Variants in COL5A3 observed in about 807,000 individuals in gnomAD.
COL5A3 encodes collagen type V alpha 3 chain, also known as collagen alpha-3(V) chain.
A neutral mutation model predicts 250.0 loss-of-function variants in COL5A3; 172 were observed. The observed-to-expected ratio is 0.69, with a 90% CI of 0.61 to 0.78. The LOEUF (loss-of-function observed/expected upper bound fraction) is 0.78, where lower values mean the gene tolerates loss of function less well. Ranked by LOEUF, COL5A3 falls within the 30% of genes least tolerant of loss-of-function variation. The pLI is 0.00. For missense variants in COL5A3, 2,340 were observed against 2,334.4 expected, an observed-to-expected ratio of 1.00 and a Z score of -0.05; for synonymous variants, 937 against 900.4, an observed-to-expected ratio of 1.04 and a Z score of -0.73.
chr19:9,971,154 T>C, intron 52 of COL5A3, 51 bp downstream of exon 52: 1 of 1,469,732 alleles, frequency 6.8e-7, no homozygotes, highest in East Asian at 2.6e-5. Context: ...GGTAGGGAGA[T>C]GGGGACAGAA....
intron 54 of COL5A3, among the ~76,000 whole-genome samples, chr19:9,970,408 G>A (rs1467749567): frequency 5.6e-5 from 6 of 107,782 alleles, no homozygotes; most frequent in African/African-American, 2.1e-4. Flanking sequence ...GGGTCTGTGG[G>A]GTGAGTGGGG....
chr19:9,969,497 G>A (rs531014060), intron 56 of COL5A3, 78 bp downstream of exon 56: 33 of 1,590,890 alleles, frequency 2.1e-5, no homozygotes, highest in Middle Eastern at 1.7e-4. Context: ...CCCTCCAAAC[G>A]GTGATGGGAT....
At position 9,993,639 on chromosome 19, in the gene COL5A3, G is replaced by A; in HGVS notation, c.1675C>T (p.Pro559Ser). The A allele has an allele frequency of 6.2e-7, 1 of 1,614,044 alleles. No individual in the cohort carries two copies. Among genetic ancestry groups the A allele is most frequent in the South Asian group, 1.1e-5 (1 of 91,076 alleles). The change falls in exon 18 of 67, where the codon CCT becomes TCT. Residue 559 changes from proline to serine, a missense_variant. Transcript: ENST00000264828. The part of the protein sequence containing the change: ...DRGFDGLPGL[P>S]GEKGQRGDFG... ...CTCACCCTTTGGCCCTTCTCACCAG[G>A]CAGCCCAGGGAGGCCATCGAAGCCA...
intron 6 of COL5A3, 40 bp downstream of exon 6, chr19:10,003,525 G>T: frequency 6.2e-7 from 1 of 1,605,632 alleles, no homozygotes; most frequent in Non-Finnish European, 8.5e-7. Flanking sequence ...CCGGAAGTCA[G>T]GTGGTCAAAA....
chr19:10,009,493 A>G lies in COL5A3; in HGVS notation c.88+805T>C, dbSNP rs558986442. On this transcript the variant is annotated intron_variant, in intron 1 of 66. Coordinates refer to ENST00000264828, the MANE Select transcript of COL5A3 (RefSeq NM_015719.4). The surrounding 1 kb of genome is among the most constrained non-coding windows in gnomAD (Gnocchi z 4.4). ...CAAGGCTCCAGCAGCTGGGGTGGGG[A>G]GGGGGGGAGCAACTTCCACTCCTGC... 4.2e-5 allele frequency among the ~76,000 whole-genome samples: 6 copies of G among 143,152 alleles called. No homozygotes were observed. The highest frequency in any genetic ancestry group is 1.5e-4 in the African/African-American group (6 of 39,804). 93.9% of individuals were successfully genotyped at this position (143,152 alleles called of 152,430 possible).
rs762158108 is a variant in COL5A3, at chr19:9,968,067, G to A, written c.4327C>T (p.Pro1443Ser). 3.1e-6 allele frequency: 5 copies of A among 1,588,184 alleles called. No individual in the cohort carries two copies. The highest frequency in any genetic ancestry group is 4.3e-6 in the Non-Finnish European group (5 of 1,173,290). ...GPKGDPGPPG[P>S]IGSLGHPGPP... ...CCAGGGTGGCCCAGAGAGCCAATGG[G>A]ACCAGGGGGACCCTAGGAAAAGGAC... is the stretch of plus-strand genomic sequence containing the variant. The change falls in exon 60 of 67, where the codon CCC (proline) becomes TCC (serine). Residue 1443 changes from proline (P) to serine (S), a missense_variant. By Grantham distance (74) the Pro-to-Ser change is moderately conservative (BLOSUM62 -1). Around this residue, in one of 3 missense-constraint regions of COL5A3, gnomAD observed 1,179 missense variants for 1,162.6 expected, o/e 1.01. Coordinates refer to ENST00000264828, the MANE Select transcript of COL5A3 (RefSeq NM_015719.4). This position sits in a 1 kb window ranked among gnomAD's most constrained non-coding sequence, Gnocchi z 4.1.
At chr19:9,997,778 C>T (rs1019602426) in intron 10 of COL5A3, among the ~76,000 whole-genome samples, 2 of 152,036 alleles carry the variant, frequency 1.3e-5, no homozygotes, top group Admixed American at 6.6e-5. Flanking sequence ...AAATATATGG[C>T]TATTTTTAAA....
intron 8 of COL5A3, 97 bp from the exon 9 acceptor site, chr19:9,998,246 A>T: frequency 8.5e-7 from 1 of 1,180,318 alleles, no homozygotes. Context: ...ACACACACAC[A>T]CACACACACA....
At chr19:9,962,914 T>C (rs1201787855) in intron 64 of COL5A3, 27 bp from the exon 65 acceptor site, 1 of 1,570,542 alleles carries the variant, frequency 6.4e-7, no homozygotes, top group East Asian at 2.2e-5. Flanking sequence ...AGGGTCACTG[T>C]AGCTGACGCC....
Position 9,996,642 on chromosome 19 carries a change from G to C in COL5A3, c.1311C>G (p.Gly437=). ...GCATCATGATCACAGTGCCCGGTGGGCCTCGGATCCCATCAATGCCGGGGA... is the reference window on the plus strand; with the variant it reads ...GCATCATGATCACAGTGCCCGGTGGCCCTCGGATCCCATCAATGCCGGGGA... ...PGIPGIDGIR[G]PPGTVIMMPF... The change falls in exon 12 of 67, where the codon GGC becomes GGG. Residue 437 remains glycine (G), a synonymous_variant. Coordinates refer to ENST00000264828, the MANE Select transcript of COL5A3 (RefSeq NM_015719.4). The C allele has an allele frequency of 6.2e-7, 1 of 1,612,510 alleles. No individual in the cohort carries two copies. The highest frequency in any genetic ancestry group is 8.5e-7 in the Non-Finnish European group (1 of 1,179,594).
At chr19:9,996,546 C>T (rs202020090) in intron 12 of COL5A3, 30 bp from the exon 13 acceptor site, 6 of 1,612,764 alleles carry the variant, frequency 3.7e-6, no homozygotes, top group Non-Finnish European at 5.1e-6. Context: ...GAGGGAAGCC[C>T]CCAGGAGAGG....
rs551457472 is a variant in COL5A3 at position 10,007,103 on chromosome 19, T to C, written c.89-872A>G. ...TGACTTTCCCCTCTAACCTCCTCCC[T>C]CTGACTCTCCCCTATGACCTCCTCC... On this transcript the variant is annotated intron_variant, in intron 1 of 66. Coordinates refer to ENST00000264828, the MANE Select transcript of COL5A3 (RefSeq NM_015719.4). Among the ~76,000 whole-genome samples the C allele has an allele frequency of 1.1e-4, 17 of 148,822 alleles. No homozygotes were observed. In the East Asian group the frequency reaches 3.2e-3, roughly 28 times the overall value.
chr19:9,983,529 GAAGAAAGAAAGAAAGAAAGA>G (rs59275367), intron 31 of COL5A3, among the ~76,000 whole-genome samples: 2,779 of 95,178 alleles, frequency 0.029, 77 homozygotes, highest in Middle Eastern at 0.052. Context: ...CAAAAAGAAA[GAAGAAAGAAAGAAAGAAAGA>G]AAGAAAGAAA....
In COL5A3 at chr19:9,969,849, C is replaced by A; in HGVS notation, c.3990+20G>T. On this transcript the variant is annotated intron_variant, in intron 55 of 66. Coordinates refer to ENST00000264828, the MANE Select transcript of COL5A3 (RefSeq NM_015719.4). The stretch of plus-strand genomic sequence containing the variant: ...GCCTAGAGTAGTGCAGGGACCCTTC[C>A]CCTTGCCAGGGGGACTCACCTTGGC... 1 of 1,613,678 alleles carries A rather than the reference C, an allele frequency of 6.2e-7. No homozygotes were observed. Among genetic ancestry groups the A allele is most frequent in the Non-Finnish European group, 8.5e-7 (1 of 1,179,740 alleles).
Position 9,991,639 on chromosome 19 carries a change from G to C in COL5A3, c.1963C>G (p.Gln655Glu). 6.2e-7 allele frequency: 1 copy of C among 1,609,448 alleles called. No homozygotes were observed. Residue 655 changes from glutamine (Q) to glutamate (E), a missense_variant, in exon 24 of 67, where the codon CAG becomes GAG. Around this residue, in one of 3 missense-constraint regions of COL5A3, gnomAD observed 1,152 missense variants for 1,146.3 expected, o/e 1.00. Coordinates refer to ENST00000264828, the MANE Select transcript of COL5A3 (RefSeq NM_015719.4). ...NHGSQGLPGP[Q>E]GLIGTPGEKG... is the part of the protein sequence containing the mutation. Reference sequence around the variant, plus strand: ...TCCCCAGGAGTGCCAATGAGTCCCTGGGGACCGGGGAGTCCCTGGAGACAG... The same window carrying C: ...TCCCCAGGAGTGCCAATGAGTCCCTCGGGACCGGGGAGTCCCTGGAGACAG...
At position 9,986,356 on chromosome 19, in the gene COL5A3, G is replaced by A; in HGVS notation, c.2311C>T (p.Gln771Ter). 1.3e-6 allele frequency: 2 copies of A among 1,593,646 alleles called. No homozygotes were observed. The highest frequency in any genetic ancestry group is 1.7e-6 in the Non-Finnish European group (2 of 1,175,104). ...CCTGGGGGCCCCTCCTCGCCAGCCTGCCCCGCCTGCCCCTTCGGCCCCTCA... is the reference window on the plus strand; with the variant it reads ...CCTGGGGGCCCCTCCTCGCCAGCCTACCCCGCCTGCCCCTTCGGCCCCTCA... The part of the protein sequence containing the change: ...GPEGPKGQAG[Q>*]AGEEGPPGSA... Residue 771 changes from glutamine to a stop codon, truncating the protein, a stop_gained, in exon 30 of 67, where the codon CAG (glutamine) becomes TAG (stop). Coordinates refer to ENST00000264828, the MANE Select transcript of COL5A3 (RefSeq NM_015719.4). LOFTEE classifies it high-confidence loss of function.
At chr19:9,997,873 T>C in intron 10 of COL5A3, 111 bp downstream of exon 10, 1 of 1,155,512 alleles carries the variant, frequency 8.7e-7, no homozygotes, top group South Asian at 1.3e-5. Context: ...AAATGTCCAC[T>C]ACCCTCCACT....
chr19:9,961,340 T>C (rs2086669419), intron 65 of COL5A3, among the ~76,000 whole-genome samples: 1 of 152,140 alleles, frequency 6.6e-6, no homozygotes, highest in Admixed American at 6.6e-5. Context: ...AGGAGGGATT[T>C]TTTTTTACTT....
chr19:9,977,782 A>T (rs527366491), intron 41 of COL5A3, 81 bp from the exon 42 acceptor site: 1 of 1,144,694 alleles, frequency 8.7e-7, no homozygotes, highest in African/African-American at 1.6e-5. Flanking sequence ...CCAGGCACTG[A>T]GTTCTGAGGT....
Sources: allele counts gnomAD v4.1 joint callset (sites outside exome capture counted in the v4.1 genomes callset), GRCh38; gene constraint gnomAD v4.1.1; regional missense constraint gnomAD v4.1.1; non-coding constraint Gnocchi (gnomAD v3.1); transcripts MANE v1.5; gene names NCBI Gene and HGNC (gene_info 2026-07-23, HGNC 2026-07-21).